The following SHC4 variants were observed in gnomAD, a reference collection of about 807,000 sequenced individuals.
SHC4 encodes the protein SHC adaptor protein 4.
Under a neutral mutation model 69.4 loss-of-function variants are expected in SHC4, and 41 were observed. The ratio of observed to expected loss-of-function variants is 0.59; its 90% confidence interval spans 0.46 to 0.77. The LOEUF is 0.77. Ranked by LOEUF, SHC4 falls within the 30% of genes least tolerant of loss-of-function variation. SHC4 has a pLI of 0.00. For synonymous variants in SHC4, 318 were observed against 299.3 expected (o/e 1.06, Z -0.64); for missense variants, 777 against 783.8 (o/e 0.99, Z 0.10).
At chr15:48,853,152 G>T (rs1194446997) in intron 8 of SHC4, among the ~76,000 whole-genome samples, 1 of 151,830 alleles carries the variant, frequency 6.6e-6, no homozygotes, top group East Asian at 1.9e-4. Context: ...CAAAAGCAAT[G>T]TACAAAAATC....
At position 48,903,759 on chromosome 15, in the gene SHC4, T is replaced by C. The variant is rs532181869; in HGVS notation, c.657-12948A>G. Among the ~76,000 whole-genome samples, 4 of 152,278 alleles carry C rather than the reference T, an allele frequency of 2.6e-5. No individual in the cohort carries two copies. The East Asian group carries it at 5.8e-4, about 22-fold the overall frequency. On this transcript the variant is annotated intron_variant, in intron 2 of 11. Transcript: ENST00000332408. ...GGTCCAATATTACGTGTTTGTTTGT[T>C]TGTTTGTTTCAGAGACAAGGGCTCA... is the stretch of plus-strand genomic sequence containing the variant.
At chr15:48,864,599 C>A (rs1899521029) in intron 6 of SHC4, among the ~76,000 whole-genome samples, 1 of 151,770 alleles carries the variant, frequency 6.6e-6, no homozygotes, top group Non-Finnish European at 1.5e-5. Context: ...AGGTGCCCAC[C>A]ACCACACCCA....
chr15:48,930,945 G>A (rs1227366257), intron 1 of SHC4, among the ~76,000 whole-genome samples: 2 of 152,160 alleles, frequency 1.3e-5, no homozygotes, highest in Admixed American at 1.3e-4. Context: ...TCACTCTAGT[G>A]AAACTGCCTG....
chr15:48,857,287 G>T (rs1346658900), intron 7 of SHC4, among the ~76,000 whole-genome samples: 1 of 151,562 alleles, frequency 6.6e-6, no homozygotes, highest in East Asian at 1.9e-4. Context: ...TTCTTATTTT[G>T]CTCTTTGTTC....
intron 1 of SHC4, among the ~76,000 whole-genome samples, chr15:48,925,851 G>A (rs1405031388): frequency 6.6e-6 from 1 of 152,188 alleles, no homozygotes; most frequent in African/African-American, 2.4e-5. Flanking sequence ...GAGGGATGGT[G>A]TCAATAGGAA....
chr15:48,893,606 G>A (rs902759032), intron 2 of SHC4, among the ~76,000 whole-genome samples: 3 of 152,114 alleles, frequency 2.0e-5, no homozygotes, highest in Middle Eastern at 3.4e-3. Context: ...TTTTTAAGAC[G>A]GGAAAATATT....
At chr15:48,878,049 G>C in intron 4 of SHC4, 5 of 1,228,478 alleles carry the variant, frequency 4.1e-6, no homozygotes, top group African/African-American at 3.0e-5. Context: ...GTAGGAGGCG[G>C]TACCTGAGGA....
intron 1 of SHC4, among the ~76,000 whole-genome samples, chr15:48,961,850 G>A (rs770452159): frequency 3.9e-5 from 6 of 152,308 alleles, no homozygotes; most frequent in African/African-American, 9.6e-5. Context: ...TTGCTGCAGC[G>A]TAGGCAGTAA....
At chr15:48,833,906 G>T (rs760944136) in intron 11 of SHC4, among the ~76,000 whole-genome samples, 1 of 152,188 alleles carries the variant, frequency 6.6e-6, no homozygotes, top group Non-Finnish European at 1.5e-5. Flanking sequence ...TGAAACTTTT[G>T]AAGTGAATTC....
chr15:48,898,140 T>C (rs1379813108), intron 2 of SHC4, among the ~76,000 whole-genome samples: 1 of 152,214 alleles, frequency 6.6e-6, no homozygotes, highest in African/African-American at 2.4e-5. Flanking sequence ...AATCTTTGCC[T>C]CCAGGACAGC....
rs761428911 is a variant in SHC4, at chr15:48,856,087, C to G, written c.1108G>C (p.Glu370Gln). Residue 370 changes from glutamate to glutamine, a missense_variant, in exon 8 of 12, where the codon GAA becomes CAA. Physicochemically the swap from Glu to Gln is conservative, Grantham distance 29. Coordinates refer to ENST00000332408, the MANE Select transcript of SHC4 (RefSeq NM_203349.4). ...ATTTCATTGTAATATTCATGATCTT[C>G]TCTCTCCTCGGCATGGCTATCAATA... ...VHIDSHAEEREDHEYYNEIPG... is the reference protein window; with the variant it reads ...VHIDSHAEERQDHEYYNEIPG... The G allele has an allele frequency of 3.7e-6, 6 of 1,613,608 alleles. No homozygotes were observed. In the South Asian group the frequency reaches 6.6e-5, roughly 18 times the overall value.
intron 11 of SHC4, among the ~76,000 whole-genome samples, chr15:48,833,637 T>C (rs1898847630): frequency 1.3e-5 from 2 of 152,324 alleles, no homozygotes; most frequent in African/African-American, 4.8e-5. Flanking sequence ...ATCCAAAATA[T>C]GGCAGTACCA....
chr15:48,873,703 T>G (rs1899739675), intron 4 of SHC4, among the ~76,000 whole-genome samples: 1 of 151,804 alleles, frequency 6.6e-6, no homozygotes, highest in South Asian at 2.1e-4. Context: ...ATCATGCCAC[T>G]GCACTCCAGC....
chr15:48,881,464 C>G (rs1315600033), intron 4 of SHC4, among the ~76,000 whole-genome samples: 1 of 151,816 alleles, frequency 6.6e-6, no homozygotes, highest in Non-Finnish European at 1.5e-5. Context: ...AACACAGAGG[C>G]CAGGTAGCAC....
At chr15:48,940,528 A>ACT (rs150691801) in intron 1 of SHC4, among the ~76,000 whole-genome samples, 2,863 of 152,242 alleles carry the variant, frequency 0.019, 80 homozygotes, top group African/African-American at 0.066. Flanking sequence ...GCTCCATCAA[A>ACT]CTTTCTTCTA....
chr15:48,932,642 C>T (rs886383323), intron 1 of SHC4, among the ~76,000 whole-genome samples: 1 of 152,198 alleles, frequency 6.6e-6, no homozygotes, highest in African/African-American at 2.4e-5. Flanking sequence ...ACCTACTCAT[C>T]ATTCACAAGG....
At chr15:48,840,182 T>A (rs1898966068) in intron 10 of SHC4, among the ~76,000 whole-genome samples, 1 of 152,218 alleles carries the variant, frequency 6.6e-6, no homozygotes, top group Non-Finnish European at 1.5e-5. Context: ...GTGGCACTAA[T>A]CTTTGAGCTT....
At chr15:48,875,971 A>C (rs1432044276) in intron 4 of SHC4, among the ~76,000 whole-genome samples, 1 of 152,256 alleles carries the variant, frequency 6.6e-6, no homozygotes, top group African/African-American at 2.4e-5. Flanking sequence ...ATGGATGCAG[A>C]GCACACACGT....
intron 2 of SHC4, among the ~76,000 whole-genome samples, chr15:48,901,468 GT>G (rs1354811259): frequency 6.6e-6 from 1 of 152,108 alleles, no homozygotes; most frequent in Non-Finnish European, 1.5e-5. Context: ...GTAAATTATT[GT>G]TTTTCCATTC....
Sources: gnomAD v4.1 joint callset for allele counts (sites outside exome capture counted in the v4.1 genomes callset) on GRCh38, gnomAD v4.1.1 for gene constraint, MANE v1.5 for transcripts, NCBI Gene and HGNC (gene_info 2026-07-23, HGNC 2026-07-21) for gene names.